TGFBRAP1: variants seen among roughly 807,000 people sequenced by gnomAD.
The protein encoded by TGFBRAP1 is transforming growth factor beta receptor associated protein 1.
Under a neutral mutation model 83.2 loss-of-function variants are expected in TGFBRAP1, and 20 were observed. That is an observed-to-expected ratio of 0.24 (90% CI 0.17 to 0.35). The LOEUF (loss-of-function observed/expected upper bound fraction) is 0.35. Among genes scored for constraint, TGFBRAP1 ranks in the 10% least tolerant of loss-of-function variants. The pLI, the probability that TGFBRAP1 is intolerant of heterozygous loss-of-function variation, is 1.00. For synonymous variants in TGFBRAP1, 415 were observed against 459.8 expected, an observed-to-expected ratio of 0.90 and a Z score of 1.25; for missense variants, 950 against 1,099.4, an observed-to-expected ratio of 0.86 and a Z score of 1.92.
chr2:105,300,072 C>A (rs1489845961), intron 2 of TGFBRAP1, among the ~76,000 whole-genome samples: 1 of 152,152 alleles, frequency 6.6e-6, no homozygotes, highest in Non-Finnish European at 1.5e-5. Context: ...GTTTCATCCA[C>A]CCCCTTATCT....
intron 1 of TGFBRAP1, among the ~76,000 whole-genome samples, chr2:105,326,654 G>T (rs186234099): frequency 1.4e-4 from 21 of 152,260 alleles, no homozygotes; most frequent in Non-Finnish European, 2.9e-4. Flanking sequence ...GGAAGATGGA[G>T]GTTGCAGTGA....
In TGFBRAP1 at chr2:105,265,453, A is replaced by C. The variant is rs139707945; in HGVS notation, c.*1930T>G. The C allele has an allele frequency of 2.0e-5, 3 of 152,672 alleles. No individual in the cohort carries two copies. Among genetic ancestry groups the C allele is most frequent in the African/African-American group, 7.2e-5 (3 of 41,566 alleles). 9.5% of individuals were successfully genotyped at this position (152,672 alleles called of 1,614,324 possible). On this transcript the variant is annotated 3_prime_UTR_variant, in exon 12 of 12. Coordinates refer to ENST00000393359, the MANE Select transcript of TGFBRAP1 (RefSeq NM_004257.6). The stretch of plus-strand genomic sequence containing the variant: ...CACTGCACTCCAGCCTGGGTGACAG[A>C]GTGAGACTCTGTCTGTGTGTTAGGA...
chr2:105,314,338 C>A (rs1431634842), intron 1 of TGFBRAP1, among the ~76,000 whole-genome samples: 2 of 150,470 alleles, frequency 1.3e-5, no homozygotes, highest in Non-Finnish European at 1.5e-5. Context: ...GCAAGCTCCA[C>A]CTCCCGGGTT....
At chr2:105,275,766 T>A (rs1677320043) in intron 7 of TGFBRAP1, 63 bp from the exon 8 acceptor site, 7 of 1,514,250 alleles carry the variant, frequency 4.6e-6, no homozygotes, top group Non-Finnish European at 6.2e-6. Flanking sequence ...AAGGCACATA[T>A]CTCAGAATTA....
intron 1 of TGFBRAP1, among the ~76,000 whole-genome samples, chr2:105,327,802 C>A (rs1258782970): frequency 6.6e-6 from 1 of 152,118 alleles, no homozygotes; most frequent in East Asian, 1.9e-4. Flanking sequence ...GACTGCCATG[C>A]ACAATCATGA....
At chr2:105,256,855 C>T in the TGFBRAP1 span, among the ~76,000 whole-genome samples, 1 of 152,196 alleles carries the variant, frequency 6.6e-6, no homozygotes, top group Non-Finnish European at 1.5e-5. Flanking sequence ...GATAAAACAG[C>T]TTGCAGTAAA....
At chr2:105,256,903 A>G in the TGFBRAP1 span, among the ~76,000 whole-genome samples, 1 of 152,228 alleles carries the variant, frequency 6.6e-6, no homozygotes, top group African/African-American at 2.4e-5. Context: ...GATGGCGATG[A>G]GAGTGACCTC....
Position 105,265,685 on chromosome 2 carries a change from C to T in TGFBRAP1, c.*1698G>A, listed in dbSNP as rs1192196058. On this transcript the variant is annotated 3_prime_UTR_variant, in exon 12 of 12. Transcript: ENST00000393359. ...GTAAAACACATGACTGGGCTTTGAG[C>T]TCACACCAATTTACACAGCATACAG... The T allele has an allele frequency of 1.3e-5, 2 of 152,586 alleles. No individual in the cohort carries two copies. Among genetic ancestry groups the T allele is most frequent in the Non-Finnish European group, 2.9e-5 (2 of 68,056 alleles). The allele number at this position is 152,586 out of a possible 1,614,324, so 9.5% of individuals were successfully genotyped here.
At chr2:105,311,031 A>G (rs996149904) in intron 1 of TGFBRAP1, among the ~76,000 whole-genome samples, 2 of 152,130 alleles carry the variant, frequency 1.3e-5, no homozygotes, top group Non-Finnish European at 2.9e-5. Flanking sequence ...TTCAGTTAGC[A>G]TAAGGGATAA....
rs1350661660 is a variant in TGFBRAP1, at chr2:105,266,113, C to T, written c.*1270G>A. The T allele has an allele frequency of 6.6e-6, 1 of 152,206 alleles. No homozygotes were observed. The highest frequency in any genetic ancestry group is 3.2e-3 in the Middle Eastern group (1 of 316). The allele number at this position is 152,206 out of a possible 1,614,324, so 9.4% of individuals were successfully genotyped here. On this transcript the variant is annotated 3_prime_UTR_variant, in exon 12 of 12. Transcript: ENST00000393359. ...AGTGACAACAGCTTCAGCTCGTCAT[C>T]GATGTTATACAGAAACACAAAAGGA...
intron 1 of TGFBRAP1, among the ~76,000 whole-genome samples, chr2:105,326,156 T>G (rs760195679): frequency 2.6e-5 from 4 of 152,172 alleles, no homozygotes; most frequent in Non-Finnish European, 5.9e-5. Context: ...CTAATCAAAA[T>G]TATTTAAATA....
At chr2:105,250,960 A>G in the TGFBRAP1 span, among the ~76,000 whole-genome samples, 11 of 152,154 alleles carry the variant, frequency 7.2e-5, no homozygotes, top group African/African-American at 1.4e-4. Context: ...TCAGTGCTCA[A>G]TGGTGCCCAG....
At chr2:105,290,823 G>T (rs912156921) in intron 4 of TGFBRAP1, among the ~76,000 whole-genome samples, 1 of 152,078 alleles carries the variant, frequency 6.6e-6, no homozygotes, top group Non-Finnish European at 1.5e-5. Flanking sequence ...TAGCCAACAT[G>T]GTGAAACCTC....
At chr2:105,308,860 A>G (rs143529252) in intron 1 of TGFBRAP1, among the ~76,000 whole-genome samples, 5 of 152,320 alleles carry the variant, frequency 3.3e-5, no homozygotes, top group African/African-American at 9.6e-5. Flanking sequence ...ACTTTAGTCA[A>G]TGAACACAAC....
At chr2:105,327,082 C>T (rs897329088) in intron 1 of TGFBRAP1, among the ~76,000 whole-genome samples, 1 of 152,130 alleles carries the variant, frequency 6.6e-6, no homozygotes, top group Non-Finnish European at 1.5e-5. Context: ...CAAATGACTA[C>T]TTTAATGTAT....
intron 1 of TGFBRAP1, among the ~76,000 whole-genome samples, chr2:105,318,714 C>T (rs1003197701): frequency 1.1e-4 from 17 of 152,170 alleles, no homozygotes; most frequent in Admixed American, 9.8e-4. Flanking sequence ...ATATCAAAGT[C>T]CAATTTGGGG....
intron 2 of TGFBRAP1, among the ~76,000 whole-genome samples, chr2:105,306,443 G>A (rs2104390915): frequency 6.6e-6 from 1 of 152,256 alleles, no homozygotes. Context: ...ACATGAATGG[G>A]AGGGAAGAGC....
rs1677498983 is a variant in TGFBRAP1, at chr2:105,280,516, G to C, written c.1329C>G (p.Gly443=). ...NEVRSTEVAN[G]YKEDIDTALL... is the part of the protein sequence containing the mutation. ...AGGCTGTGTCGATGTCCTCCTTGTA[G>C]CCATTTGCTACCTCTGTGCTGCGGA... Residue 443 remains glycine, a synonymous_variant, in exon 6 of 12, where the codon GGC becomes GGG. Coordinates refer to ENST00000393359, the MANE Select transcript of TGFBRAP1 (RefSeq NM_004257.6). The C allele has an allele frequency of 1.9e-6, 3 of 1,614,080 alleles. No homozygotes were observed. Among genetic ancestry groups the C allele is most frequent in the African/African-American group, 1.3e-5 (1 of 74,938 alleles).
intron 2 of TGFBRAP1, among the ~76,000 whole-genome samples, chr2:105,300,897 G>T (rs1678265480): frequency 6.6e-6 from 1 of 152,148 alleles, no homozygotes; most frequent in Non-Finnish European, 1.5e-5. Context: ...TCTTTAATCA[G>T]TTTGTTAGGA....
Sources: allele counts gnomAD v4.1 joint callset (sites outside exome capture counted in the v4.1 genomes callset), GRCh38; gene constraint gnomAD v4.1.1; transcripts MANE v1.5; gene names NCBI Gene and HGNC (gene_info 2026-07-23, HGNC 2026-07-21).